The following ABCA4 variants were observed in gnomAD, a reference collection of about 807,000 sequenced individuals.
The protein encoded by ABCA4 is retinal-specific phospholipid-transporting ATPase ABCA4.
ABCA4 carries 196 observed loss-of-function variants against 263.7 expected under a neutral mutation model. That is an observed-to-expected ratio of 0.74 (90% CI 0.66 to 0.84). The LOEUF (loss-of-function observed/expected upper bound fraction) is 0.84. Among genes scored for constraint, ABCA4 ranks in the 40% least tolerant of loss-of-function variants. ABCA4 has a pLI of 0.00. For missense variants in ABCA4, 2,792 were observed against 2,855.1 expected, an observed-to-expected ratio of 0.98 and a Z score of 0.50; for synonymous variants, 1,133 against 1,094.2, an observed-to-expected ratio of 1.04 and a Z score of -0.70.
chr1:94,095,142 G>A (rs1298049590), intron 6 of ABCA4, among the ~76,000 whole-genome samples: 1 of 152,210 alleles, frequency 6.6e-6, no homozygotes, highest in African/African-American at 2.4e-5. Flanking sequence ...GAGTGTACGC[G>A]CGGGGATGGG....
At chr1:94,059,292 C>A (rs1177188267) in intron 14 of ABCA4, among the ~76,000 whole-genome samples, 2 of 152,140 alleles carry the variant, frequency 1.3e-5, no homozygotes, top group Non-Finnish European at 2.9e-5. Context: ...TCAGCTCCTC[C>A]CCTCATCTCT....
intron 44 of ABCA4, among the ~76,000 whole-genome samples, chr1:94,003,007 T>C (rs180956257): frequency 1.6e-3 from 241 of 151,370 alleles, no homozygotes; most frequent in African/African-American, 5.7e-3. Context: ...TCACACACAA[T>C]TTTTTGTGAC....
In ABCA4 at chr1:94,021,362, A is replaced by T; in HGVS notation, c.4896T>A (p.Asn1632Lys). 6.2e-7 allele frequency: 1 copy of T among 1,614,252 alleles called. No individual in the cohort carries two copies. The highest frequency in any genetic ancestry group is 2.2e-5 in the East Asian group (1 of 44,892). The change falls in exon 35 of 50, where the codon AAT becomes AAA. Residue 1632 changes from asparagine to lysine, a missense_variant. Asn to Lys is a moderately conservative substitution (Grantham distance 94, BLOSUM62 0). Transcript: ENST00000370225. Reference protein sequence around the residue: ...KGWHALVSFLNVAHNAILRAS... With the variant: ...KGWHALVSFLKVAHNAILRAS... ...CCCGTAAGATGGCGTTGTGGGCCAC[A>T]TTGAGAAAGCTGACCAGGGCATGCC... is the stretch of plus-strand genomic sequence containing the variant.
chr1:94,044,303 A>G (rs1557779181), intron 20 of ABCA4, among the ~76,000 whole-genome samples: 1 of 152,188 alleles, frequency 6.6e-6, no homozygotes, highest in Non-Finnish European at 1.5e-5. Context: ...CTTTGGTCCC[A>G]GAGAGGAAGT....
At chr1:94,108,494 CA>C (rs959752771) in intron 4 of ABCA4, 82 bp downstream of exon 4, 2 of 1,598,684 alleles carry the variant, frequency 1.3e-6, no homozygotes, top group Non-Finnish European at 1.7e-6. Flanking sequence ...TATTTTTCAC[CA>C]ACTCTCCCTG....
chr1:94,085,388 G>A (rs544569367), intron 6 of ABCA4, among the ~76,000 whole-genome samples: 1 of 152,204 alleles, frequency 6.6e-6, no homozygotes, highest in East Asian at 1.9e-4. Flanking sequence ...AATAAAAAAG[G>A]TTTTAGTGTA....
At position 94,099,062 on chromosome 1, in the gene ABCA4, AC is replaced by A. The variant is rs1332448312; in HGVS notation, c.571-72del. On this transcript the variant is annotated intron_variant, in intron 5 of 49. Coordinates refer to ENST00000370225, the MANE Select transcript of ABCA4 (RefSeq NM_000350.3). ...AGACACCCACGTCCTAACCCACAGAACCTGGGAATACCTTGTGTTACATGGC... is the reference window on the plus strand; with the variant it reads ...AGACACCCACGTCCTAACCCACAGAACTGGGAATACCTTGTGTTACATGGC... 8.2e-6 allele frequency: 12 copies of A among 1,459,508 alleles called. No individual in the cohort carries two copies. In the African/African-American group the frequency reaches 1.5e-4, roughly 19 times the overall value. 90.4% of individuals were successfully genotyped at this position (1,459,508 alleles called of 1,614,324 possible). A position where few individuals can be genotyped will look rare whatever the true frequency, so the allele number is the denominator to read the frequency against.
intron 27 of ABCA4, 93 bp from the exon 28 acceptor site, chr1:94,031,213 TC>T: frequency 2.0e-6 from 3 of 1,512,564 alleles, no homozygotes; most frequent in Non-Finnish European, 2.7e-6. Context: ...TAAACATTTA[TC>T]CTGCAGCCTC....
intron 11 of ABCA4, among the ~76,000 whole-genome samples, chr1:94,065,513 CAG>C (rs1210948017): frequency 1.3e-5 from 2 of 152,218 alleles, no homozygotes; most frequent in Non-Finnish European, 2.9e-5. Flanking sequence ...ACCTGCGCCT[CAG>C]AGTATGCACC....
At chr1:94,011,223 C>T in intron 39 of ABCA4, 39 bp downstream of exon 39, 1 of 1,613,712 alleles carries the variant, frequency 6.2e-7, no homozygotes, top group Admixed American at 1.7e-5. Context: ...CAGCTTTGGA[C>T]CCAGGGCCCA....
At chr1:94,057,716 T>A (rs1343908585) in intron 14 of ABCA4, among the ~76,000 whole-genome samples, 1 of 152,236 alleles carries the variant, frequency 6.6e-6, no homozygotes, top group East Asian at 1.9e-4. Flanking sequence ...TCACTTTGGC[T>A]ATGTAGAAAA....
At chr1:94,068,070 A>G (rs1261301684) in intron 11 of ABCA4, among the ~76,000 whole-genome samples, 1 of 152,190 alleles carries the variant, frequency 6.6e-6, no homozygotes, top group Non-Finnish European at 1.5e-5. Flanking sequence ...TTTTCTTTAA[A>G]TAATATGTCT....
At chr1:94,011,177 C>T in intron 39 of ABCA4, 85 bp downstream of exon 39, 2 of 1,604,494 alleles carry the variant, frequency 1.2e-6, no homozygotes, top group Non-Finnish European at 1.7e-6. Flanking sequence ...CAGCCCCTGC[C>T]ACAGTCTGAT....
Position 94,008,266 on chromosome 1 carries a change from T to A in ABCA4, c.5867A>T (p.Asp1956Val). ...AGGGCGAACTCCGACACACAGCCTG[T>A]CCACTGCTGGGCTGGAGGTGCCTGG... The part of the protein sequence containing the change: ...IYPGTSSPAV[D>V]RLCVGVRPGE... Residue 1956 changes from aspartate to valine, a missense_variant, in exon 42 of 50, where the codon GAC (aspartate) becomes GTC (valine). Asp to Val is a radical substitution (Grantham distance 152, BLOSUM62 -3). Coordinates refer to ENST00000370225, the MANE Select transcript of ABCA4 (RefSeq NM_000350.3). 3.7e-6 allele frequency: 6 copies of A among 1,614,120 alleles called. No individual in the cohort carries two copies. Among genetic ancestry groups the A allele is most frequent in the Non-Finnish European group, 5.1e-6 (6 of 1,180,010 alleles).
intron 11 of ABCA4, among the ~76,000 whole-genome samples, chr1:94,071,747 C>T (rs1661404790): frequency 6.6e-6 from 1 of 152,202 alleles, no homozygotes; most frequent in Non-Finnish European, 1.5e-5. Flanking sequence ...CCCGGTCTAC[C>T]CCTTGCCCAC....
rs74516571 is a variant in ABCA4 at position 94,063,173 on chromosome 1, C to T, written c.1699G>A (p.Val567Met). The T allele has an allele frequency of 3.2e-4, 518 of 1,614,084 alleles. 3 individuals carry two copies. In the East Asian group the frequency reaches 0.01, roughly 31 times the overall value. ...ATGTCCATTCGGATCTTATACTTCA[C>T]GTGGGGTGGTAGAGAGCTGGTCCAG... ...YPWTSSLPPHVKYKIRMDIDV... is the reference protein window; with the variant it reads ...YPWTSSLPPHMKYKIRMDIDV... Residue 567 changes from valine to methionine, a missense_variant, in exon 12 of 50, where the codon GTG (valine) becomes ATG (methionine). Val to Met is a conservative substitution (Grantham distance 21). Transcript: ENST00000370225.
At chr1:94,011,423 A>G (rs1480837716) in intron 38 of ABCA4, 38 bp from the exon 39 acceptor site, 1 of 1,603,376 alleles carries the variant, frequency 6.2e-7, no homozygotes, top group East Asian at 2.2e-5. Flanking sequence ...AACGGGGCAA[A>G]CCCCACCCCC....
Position 94,001,111 on chromosome 1 carries a change from G to A in ABCA4, c.6283-6C>T, listed in dbSNP as rs763553386. ...ATCCCTGTGGTGGGCTCATCCTGGG[G>A]GGTGGAGAGAAGGTTGGGGGCACAG... On this transcript the variant is annotated splice_region_variant and splice_polypyrimidine_tract_variant and intron_variant, in intron 45 of 49. Transcript: ENST00000370225. 6 of 1,612,062 alleles carry A rather than the reference G, an allele frequency of 3.7e-6. No homozygotes were observed. The South Asian group carries it at 6.6e-5, about 18-fold the overall frequency.
At chr1:94,003,284 C>T (rs956303350) in intron 44 of ABCA4, among the ~76,000 whole-genome samples, 10 of 151,670 alleles carry the variant, frequency 6.6e-5, no homozygotes, top group South Asian at 4.2e-4. Context: ...TAGCCTCCTG[C>T]GATCAGAGAT....
Sources: allele counts gnomAD v4.1 joint callset (sites outside exome capture counted in the v4.1 genomes callset), GRCh38; gene constraint gnomAD v4.1.1; transcripts MANE v1.5; gene names NCBI Gene and HGNC (gene_info 2026-07-23, HGNC 2026-07-21).